Variants in P4HA1 observed in about 807,000 individuals in gnomAD.
P4HA1 encodes prolyl 4-hydroxylase subunit alpha-1.
In P4HA1, 24 loss-of-function variants were observed where a neutral mutation model predicts 72.8. The observed-to-expected ratio is 0.33, with a 90% CI of 0.24 to 0.46. The LOEUF (loss-of-function observed/expected upper bound fraction) is 0.46. Among genes scored for constraint, P4HA1 ranks in the 20% least tolerant of loss-of-function variants. The pLI, the probability that P4HA1 is intolerant of heterozygous loss-of-function variation, is 1.00. For missense variants in P4HA1, 446 were observed against 640.6 expected (o/e 0.70, Z 3.28); for synonymous variants, 201 against 218.8 (o/e 0.92, Z 0.72).
In P4HA1 at chr10:73,072,167, A is replaced by G; in HGVS notation, c.187T>C (p.Leu63=). Residue 63 remains leucine (L), a synonymous_variant, in exon 4 of 15, where the codon TTA becomes CTA. Transcript: ENST00000394890. ...LEQIKKWAEK[L]DRLTSTATKD... is the part of the protein sequence containing the mutation. ...GTCGCTGTACTAGTTAGCCGATCTA[A>G]CTTCTCTGCCCATCTACAGATGTAA... 1 of 1,612,116 alleles carries G rather than the reference A, an allele frequency of 6.2e-7. No homozygotes were observed.
At chr10:73,025,017 G>T (rs1212083057) in intron 10 of P4HA1, among the ~76,000 whole-genome samples, 1 of 152,156 alleles carries the variant, frequency 6.6e-6, no homozygotes, top group African/African-American at 2.4e-5. Flanking sequence ...AAAAAGTTCA[G>T]GACCAGATGG....
intron 1 of P4HA1, among the ~76,000 whole-genome samples, chr10:73,093,917 C>T (rs560767812): frequency 0.047 from 5,294 of 112,914 alleles, 494 homozygotes; most frequent in African/African-American, 0.16. Context: ...TACACACACA[C>T]ACACACACAC....
chr10:73,039,179 G>T (rs1174190496), intron 9 of P4HA1, among the ~76,000 whole-genome samples: 1 of 152,056 alleles, frequency 6.6e-6, no homozygotes, highest in African/African-American at 2.4e-5. Flanking sequence ...AGCTACTCGG[G>T]AGACTGAGGT....
At position 73,045,138 on chromosome 10, in the gene P4HA1, A is replaced by C. The variant is rs1022908315; in HGVS notation, c.1078-87T>G. On this transcript the variant is annotated intron_variant, in intron 8 of 14. Coordinates refer to ENST00000394890, the MANE Select transcript of P4HA1 (RefSeq NM_001017962.3). ...AACCAGTCAGAATTCCAGGGTTTTT[A>C]CAAAGGAGGCTAAAAAGAGAAAATA... The C allele has an allele frequency of 7.5e-6, 8 of 1,069,846 alleles. No homozygotes were observed. In the African/African-American group the frequency reaches 7.9e-5, roughly 11 times the overall value. 66.3% of individuals were successfully genotyped at this position (1,069,846 alleles called of 1,614,324 possible). A position where few individuals can be genotyped will look rare whatever the true frequency, so the allele number is the denominator to read the frequency against.
intron 5 of P4HA1, among the ~76,000 whole-genome samples, chr10:73,058,663 G>A (rs1841218461): frequency 6.6e-6 from 1 of 151,336 alleles, no homozygotes; most frequent in African/African-American, 2.4e-5. Flanking sequence ...CCACAAAATA[G>A]AGTAATAACA....
At chr10:73,052,364 AC>A (rs1299705328) in intron 6 of P4HA1, among the ~76,000 whole-genome samples, 1 of 152,198 alleles carries the variant, frequency 6.6e-6, no homozygotes. Flanking sequence ...TCCAATATTA[AC>A]CTAATTTTGT....
At chr10:73,070,075 G>A (rs1841518584) in intron 4 of P4HA1, among the ~76,000 whole-genome samples, 2 of 148,564 alleles carry the variant, frequency 1.3e-5, no homozygotes, top group South Asian at 4.2e-4. Context: ...CTCCCAAAGT[G>A]CTGGGATTAC....
intron 5 of P4HA1, chr10:73,065,216 C>T (rs995964023): frequency 6.7e-6 from 1 of 150,186 alleles, no homozygotes; most frequent in Admixed American, 6.6e-5. Context: ...GACCCCCACC[C>T]CCTAAAAAAA....
chr10:73,074,869 T>C lies in P4HA1; in HGVS notation c.15A>G (p.Ile5Met). MIWY[I>M]LIIGILLPQS... is the part of the protein sequence containing the mutation. Reference sequence around the variant, plus strand: ...GGGGAAGCAGAATTCCTATAATTAATATATACCAGATCATCTTGGAAGATT... The same window carrying C: ...GGGGAAGCAGAATTCCTATAATTAACATATACCAGATCATCTTGGAAGATT... The change falls in exon 2 of 15, where the codon ATA becomes ATG. Residue 5 changes from isoleucine to methionine, a missense_variant. Transcript: ENST00000394890. 2 of 1,518,912 alleles carry C rather than the reference T, an allele frequency of 1.3e-6. No homozygotes were observed. The highest frequency in any genetic ancestry group is 1.8e-6 in the Non-Finnish European group (2 of 1,095,798). The allele number at this position is 1,518,912 out of a possible 1,614,324, so 94.1% of individuals were successfully genotyped here. A position where few individuals can be genotyped will look rare whatever the true frequency, so the allele number is the denominator to read the frequency against.
At chr10:73,022,020 A>G (rs1840147554) in intron 10 of P4HA1, among the ~76,000 whole-genome samples, 1 of 152,232 alleles carries the variant, frequency 6.6e-6, no homozygotes, top group Non-Finnish European at 1.5e-5. Flanking sequence ...ACCACAGCTC[A>G]GCAAGGCCTA....
intron 5 of P4HA1, among the ~76,000 whole-genome samples, chr10:73,061,691 A>G (rs1344785148): frequency 2.0e-5 from 3 of 152,176 alleles, no homozygotes; most frequent in Non-Finnish European, 4.4e-5. Flanking sequence ...ACTTGAGCCC[A>G]AGAGTTCAAG....
In P4HA1 at chr10:73,051,759, C is replaced by CA. The variant is rs556787826; in HGVS notation, c.704-511dup. Among the ~76,000 whole-genome samples, 24 of 152,104 alleles carry CA rather than the reference C, an allele frequency of 1.6e-4. No homozygotes were observed. The South Asian group carries it at 5.0e-3, about 32-fold the overall frequency. ...GGGCAAAAGGAGTGAAACCCTGTCT[C>CA]AAAAAAGACAGTTCTGGAGACAGAA... is the stretch of plus-strand genomic sequence containing the variant. On this transcript the variant is annotated intron_variant, in intron 6 of 14. Coordinates refer to ENST00000394890, the MANE Select transcript of P4HA1 (RefSeq NM_001017962.3).
chr10:73,030,174 T>A (rs1175063457), intron 10 of P4HA1, 97 bp downstream of exon 10: 1 of 503,208 alleles, frequency 2.0e-6, no homozygotes, highest in African/African-American at 1.9e-5. Flanking sequence ...TCCCAAACTA[T>A]CATGCAAATT....
chr10:73,025,565 C>T (rs891290998), intron 10 of P4HA1, among the ~76,000 whole-genome samples: 5 of 151,986 alleles, frequency 3.3e-5, no homozygotes, highest in Non-Finnish European at 7.4e-5. Context: ...GACAAGGATA[C>T]CCTCCCTCAC....
chr10:73,067,590 A>C (rs563094792), intron 5 of P4HA1, among the ~76,000 whole-genome samples: 1 of 152,148 alleles, frequency 6.6e-6, no homozygotes, highest in African/African-American at 2.4e-5. Flanking sequence ...TACAAACTAC[A>C]TGTTAGTTAT....
rs1475623058 is a variant in P4HA1, at chr10:73,038,873, G to A, written c.1148+6108C>T. Reference sequence around the variant, plus strand: ...GATCTCCTGACCTCGTGATCCGCCCGCCTCGGCCTCCCAAAGTGCTGGGAT... The same window carrying A: ...GATCTCCTGACCTCGTGATCCGCCCACCTCGGCCTCCCAAAGTGCTGGGAT... On this transcript the variant is annotated intron_variant, in intron 9 of 14. Coordinates refer to ENST00000394890, the MANE Select transcript of P4HA1 (RefSeq NM_001017962.3). Among the ~76,000 whole-genome samples the A allele has an allele frequency of 3.6e-5, 4 of 110,036 alleles. 2 individuals are homozygous for A. Among genetic ancestry groups the A allele is most frequent in the African/African-American group, 2.2e-4 (4 of 17,952 alleles). The allele number at this position is 110,036 out of a possible 152,430, so 72.2% of individuals were successfully genotyped here.
At chr10:73,063,742 T>C (rs1167562172) in intron 5 of P4HA1, among the ~76,000 whole-genome samples, 1 of 152,192 alleles carries the variant, frequency 6.6e-6, no homozygotes, top group Non-Finnish European at 1.5e-5. Context: ...TATTTGAACA[T>C]GCATGGCAGA....
intron 1 of P4HA1, among the ~76,000 whole-genome samples, chr10:73,096,252 T>C (rs1842162524): frequency 6.6e-6 from 1 of 152,166 alleles, no homozygotes; most frequent in Non-Finnish European, 1.5e-5. Flanking sequence ...TCCCGGCGAC[T>C]TTCGATAGGG....
intron 1 of P4HA1, among the ~76,000 whole-genome samples, chr10:73,076,849 A>G (rs549960709): frequency 2.6e-5 from 4 of 152,116 alleles, no homozygotes; most frequent in African/African-American, 9.7e-5. Flanking sequence ...TCGTCTTCCT[A>G]TGTGACGTGA....
Sources: gnomAD v4.1 joint callset for allele counts (sites outside exome capture counted in the v4.1 genomes callset) on GRCh38, gnomAD v4.1.1 for gene constraint, MANE v1.5 for transcripts, NCBI Gene and HGNC (gene_info 2026-07-23, HGNC 2026-07-21) for gene names.